Variants in DNAJC24 observed in about 807,000 individuals in gnomAD.
DNAJC24 encodes the protein DnaJ heat shock protein family (Hsp40) member C24, also known as dnaJ homolog subfamily C member 24.
DNAJC24 carries 17 observed loss-of-function variants against 18.0 expected under a neutral mutation model. The ratio of observed to expected loss-of-function variants is 0.94; its 90% confidence interval spans 0.65 to 1.42. The LOEUF is 1.42. Ranked by LOEUF, DNAJC24 falls within the 40% of genes most tolerant of loss-of-function variation. The pLI, the probability that DNAJC24 is intolerant of heterozygous loss-of-function variation, is 0.00. For synonymous variants in DNAJC24, 55 were observed against 57.7 expected, an observed-to-expected ratio of 0.95 and a Z score of 0.21; for missense variants, 158 against 175.6, an observed-to-expected ratio of 0.90 and a Z score of 0.57.
At position 31,432,259 on chromosome 11, in the gene DNAJC24, C is replaced by A; in HGVS notation, c.*1858C>A. ...CAAAAGTGAGGTAGTCATCCAGGTT[C>A]CCCCTCCCACAATATTTTTGTATCA... On this transcript the variant is annotated 3_prime_UTR_variant, in exon 5 of 5. Transcript: ENST00000465995. The A allele has an allele frequency of 2.3e-6, 1 of 439,898 alleles. No individual in the cohort carries two copies. The highest frequency in any genetic ancestry group is 4.1e-6 in the Non-Finnish European group (1 of 243,904). 27.2% of individuals were successfully genotyped at this position (439,898 alleles called of 1,614,324 possible).
intron 2 of DNAJC24, among the ~76,000 whole-genome samples, chr11:31,379,294 A>T (rs952836872): frequency 6.6e-6 from 1 of 152,166 alleles, no homozygotes; most frequent in East Asian, 1.9e-4. Context: ...GCACAAACCT[A>T]TTGTGAACTG....
intron 2 of DNAJC24, among the ~76,000 whole-genome samples, chr11:31,403,928 C>T (rs935319981): frequency 6.6e-6 from 1 of 152,226 alleles, no homozygotes; most frequent in East Asian, 1.9e-4. Flanking sequence ...GCAGAGCAGC[C>T]CCGAGGGCTG....
intron 2 of DNAJC24, among the ~76,000 whole-genome samples, chr11:31,395,875 G>A (rs912236987): frequency 6.6e-6 from 1 of 152,128 alleles, no homozygotes; most frequent in African/African-American, 2.4e-5. Flanking sequence ...AACAGAACCA[G>A]AATCAAAACT....
intron 2 of DNAJC24, among the ~76,000 whole-genome samples, chr11:31,395,607 A>C (rs1299833523): frequency 6.6e-6 from 1 of 152,214 alleles, no homozygotes; most frequent in Non-Finnish European, 1.5e-5. Flanking sequence ...TGTTCAAAAT[A>C]TATTGACTCA....
chr11:31,373,576 T>C (rs1365800374), intron 2 of DNAJC24, among the ~76,000 whole-genome samples: 1 of 135,490 alleles, frequency 7.4e-6, no homozygotes, highest in African/African-American at 2.5e-5. Flanking sequence ...ATTTCGGTTA[T>C]TCTAGTTTGC....
Position 31,432,781 on chromosome 11 carries a change from A to T in DNAJC24, c.*2380A>T, listed in dbSNP as rs1221613194. ...AAACTCCAAAGTTTGGGACATTCAA[A>T]CAATGTACATGAAATTATATGTGTG... On this transcript the variant is annotated 3_prime_UTR_variant, in exon 5 of 5. Coordinates refer to ENST00000465995, the MANE Select transcript of DNAJC24 (RefSeq NM_181706.5). Among the ~76,000 whole-genome samples, 1 of 152,182 alleles carries T rather than the reference A, an allele frequency of 6.6e-6. No individual in the cohort carries two copies. The highest frequency in any genetic ancestry group is 1.5e-5 in the Non-Finnish European group (1 of 68,012).
At chr11:31,398,579 A>G (rs1178481259) in intron 2 of DNAJC24, among the ~76,000 whole-genome samples, 9 of 152,256 alleles carry the variant, frequency 5.9e-5, no homozygotes, top group Admixed American at 5.2e-4. Context: ...AATAAGAGGT[A>G]GATAAAGATA....
At chr11:31,400,825 C>T (rs1952593876) in intron 2 of DNAJC24, among the ~76,000 whole-genome samples, 2 of 152,122 alleles carry the variant, frequency 1.3e-5, no homozygotes, top group African/African-American at 4.8e-5. Flanking sequence ...TGGGCAAAGA[C>T]TTCATGACTA....
At chr11:31,379,445 C>T (rs1241994037) in intron 2 of DNAJC24, among the ~76,000 whole-genome samples, 1 of 152,178 alleles carries the variant, frequency 6.6e-6, no homozygotes, top group Non-Finnish European at 1.5e-5. Context: ...AAACTGGTCC[C>T]TGGTGCCAAA....
chr11:31,390,949 G>C (rs1413481593), intron 2 of DNAJC24, among the ~76,000 whole-genome samples: 2 of 152,072 alleles, frequency 1.3e-5, no homozygotes. Flanking sequence ...GATGAGTATT[G>C]ACGTAAAAGT....
chr11:31,395,611 T>A (rs1026808274), intron 2 of DNAJC24, among the ~76,000 whole-genome samples: 1 of 152,224 alleles, frequency 6.6e-6, no homozygotes, highest in Admixed American at 6.5e-5. Context: ...CAAAATATAT[T>A]GACTCATAAT....
intron 2 of DNAJC24, among the ~76,000 whole-genome samples, chr11:31,399,700 C>T (rs983170743): frequency 6.0e-5 from 9 of 149,808 alleles, no homozygotes; most frequent in African/African-American, 2.2e-4. Flanking sequence ...GCGTGAGCCA[C>T]CATGCCCAGC....
chr11:31,416,110 G>T (rs1239465359), intron 3 of DNAJC24: 1 of 152,026 alleles, frequency 6.6e-6, no homozygotes, highest in Non-Finnish European at 1.5e-5. Context: ...CAGCTCAAAG[G>T]CTTTACTACT....
At chr11:31,402,915 G>A (rs1952614634) in intron 2 of DNAJC24, among the ~76,000 whole-genome samples, 2 of 152,158 alleles carry the variant, frequency 1.3e-5, no homozygotes, top group African/African-American at 4.8e-5. Flanking sequence ...TCACTAGGCA[G>A]TAGGAATTTT....
intron 2 of DNAJC24, among the ~76,000 whole-genome samples, chr11:31,387,305 C>G (rs561494218): frequency 2.6e-5 from 4 of 152,140 alleles, no homozygotes; most frequent in Non-Finnish European, 4.4e-5. Flanking sequence ...AGAACCAGTG[C>G]GGTGGTGGCT....
chr11:31,415,844 A>T (rs1952747534), intron 3 of DNAJC24: 1 of 152,220 alleles, frequency 6.6e-6, no homozygotes, highest in Non-Finnish European at 1.5e-5. Flanking sequence ...ATCAGACCTC[A>T]CAAAATGATT....
chr11:31,425,152 A>G (rs1952849146), intron 3 of DNAJC24, among the ~76,000 whole-genome samples: 1 of 152,160 alleles, frequency 6.6e-6, no homozygotes, highest in South Asian at 2.1e-4. Context: ...GTGGAATTCC[A>G]GGCTTCCTTG....
intron 2 of DNAJC24, among the ~76,000 whole-genome samples, chr11:31,411,397 C>A (rs1211684036): frequency 6.6e-6 from 1 of 152,106 alleles, no homozygotes; most frequent in Non-Finnish European, 1.5e-5. Context: ...GCAGTAAAAA[C>A]AAACTGTCAG....
At chr11:31,381,868 C>T (rs1317855175) in intron 2 of DNAJC24, among the ~76,000 whole-genome samples, 2 of 152,082 alleles carry the variant, frequency 1.3e-5, no homozygotes, top group African/African-American at 4.8e-5. Flanking sequence ...TGAGCTACTA[C>T]GCCTGGCTCT....
Sources: allele counts gnomAD v4.1 joint callset (sites outside exome capture counted in the v4.1 genomes callset), GRCh38; gene constraint gnomAD v4.1.1; transcripts MANE v1.5; gene names NCBI Gene and HGNC (gene_info 2026-07-23, HGNC 2026-07-21).